The following ZBTB25 variants were observed in gnomAD, a reference collection of about 807,000 sequenced individuals.
ZBTB25 encodes the protein zinc finger and BTB domain containing 25, also known as zinc finger and BTB domain-containing protein 25.
In ZBTB25, 20 loss-of-function variants were observed where a neutral mutation model predicts 34.2. The observed-to-expected ratio is 0.58, with a 90% confidence interval of 0.41 to 0.85. The LOEUF is 0.85. Ranked by LOEUF, ZBTB25 falls within the 40% of genes least tolerant of loss-of-function variation. The pLI is 0.00. For missense variants in ZBTB25, 437 were observed against 521.8 expected (o/e 0.84, Z 1.58); for synonymous variants, 175 against 186.4 (o/e 0.94, Z 0.50).
upstream of ZBTB25, chr14:64,504,941 C>G (rs1004950676): frequency 2.5e-6 from 1 of 395,504 alleles, no homozygotes. Flanking sequence ...GTTCCTGTTG[C>G]GGCCGGTAAG....
chr14:64,473,307 G>A (rs955221760), downstream of ZBTB25: 2 of 167,040 alleles, frequency 1.2e-5, no homozygotes, highest in Non-Finnish European at 2.9e-5. Flanking sequence ...GGCATAAATG[G>A]AGTTGTTCAG....
At chr14:64,472,679 C>T (rs2078686324) in intron 2 of ZBTB25, 1 of 166,890 alleles carries the variant, frequency 6.0e-6, no homozygotes. Flanking sequence ...ATTATATGTG[C>T]TACATGGCCA....
chr14:64,464,399 A>G (rs1012696508), intron 2 of ZBTB25, among the ~76,000 whole-genome samples: 11 of 152,146 alleles, frequency 7.2e-5, no homozygotes, highest in Middle Eastern at 3.2e-3. Context: ...TGCCTCTTTT[A>G]TCTGTAATTT....
intron 2 of ZBTB25, chr14:64,467,639 C>T (rs1404534110): frequency 1.3e-5 from 2 of 151,714 alleles, no homozygotes; most frequent in Admixed American, 6.6e-5. Context: ...TGGCTATGAC[C>T]TTATCTAGTT....
downstream of ZBTB25, among the ~76,000 whole-genome samples, chr14:64,475,786 A>C (rs953339233): frequency 6.6e-6 from 1 of 152,168 alleles, no homozygotes; most frequent in Non-Finnish European, 1.5e-5. Flanking sequence ...CGCGTCTGGG[A>C]AACTCCCAGC....
At chr14:64,474,999 G>A (rs189302129), downstream of ZBTB25, among the ~76,000 whole-genome samples, 106 of 152,232 alleles carry the variant, frequency 7.0e-4, no homozygotes, top group African/African-American at 2.4e-3. Flanking sequence ...GCTCTAGGAA[G>A]GACTGTACTT....
At chr14:64,461,155 A>G (rs2078550006) in intron 2 of ZBTB25, 2 of 151,732 alleles carry the variant, frequency 1.3e-5, no homozygotes, top group East Asian at 1.9e-4. Context: ...AGGATGCTGC[A>G]TCCCACTGGC....
At chr14:64,456,037 C>G (rs937053449) in intron 2 of ZBTB25, among the ~76,000 whole-genome samples, 4 of 152,212 alleles carry the variant, frequency 2.6e-5, no homozygotes, top group African/African-American at 7.2e-5. Flanking sequence ...ATGTGTTGTT[C>G]TTTTTGGAGA....
At position 64,478,194 on chromosome 14, in the gene ZBTB25, A is replaced by T. The variant is rs2078737305; in HGVS notation, c.*8729T>A. The T allele has an allele frequency of 6.6e-6, 1 of 152,228 alleles. No homozygotes were observed. The highest frequency in any genetic ancestry group is 6.5e-5 in the Admixed American group (1 of 15,288). 9.4% of individuals were successfully genotyped at this position (152,228 alleles called of 1,614,324 possible). Reference sequence around the variant, plus strand: ...GGCTTATCAGCTGTAAAATAAACTTAGGAGAAGCAACTGGTGATTAGGTAC... The same window carrying T: ...GGCTTATCAGCTGTAAAATAAACTTTGGAGAAGCAACTGGTGATTAGGTAC... On this transcript the variant is annotated 3_prime_UTR_variant, in exon 3 of 3. Transcript: ENST00000608382.
At chr14:64,469,677 G>T in intron 2 of ZBTB25, 1 of 1,558,862 alleles carries the variant, frequency 6.4e-7, no homozygotes, top group South Asian at 1.2e-5. Context: ...CTTCTACAGT[G>T]ACTTACTCTC....
At chr14:64,497,064 G>A (rs1160160566) in intron 1 of ZBTB25, among the ~76,000 whole-genome samples, 1 of 151,864 alleles carries the variant, frequency 6.6e-6, no homozygotes, top group Non-Finnish European at 1.5e-5. Context: ...ACCCCATCTA[G>A]AACTTTCAAC....
chr14:64,473,415 T>A (rs1452907250), downstream of ZBTB25: 1 of 167,042 alleles, frequency 6.0e-6, no homozygotes, highest in East Asian at 1.9e-4. Context: ...AGTCTTAGAA[T>A]CTCTTTTATT....
chr14:64,449,511 C>T, exon 3 of ZBTB25: 4 of 1,614,132 alleles, frequency 2.5e-6, no homozygotes, highest in South Asian at 1.1e-5. Context: ...CTTTTGATGC[C>T]GTGAAGTGCA....
At chr14:64,458,073 A>G (rs1261327449) in intron 2 of ZBTB25, 4 of 751,842 alleles carry the variant, frequency 5.3e-6, no homozygotes, top group African/African-American at 1.7e-5. Context: ...TATTTCCTGT[A>G]GAGATGGGGG....
intron 2 of ZBTB25, chr14:64,455,149 G>C: frequency 2.3e-6 from 1 of 435,680 alleles, no homozygotes; most frequent in Non-Finnish European, 4.3e-6. Context: ...GCTCTTCACT[G>C]AATCTAGGAT....
chr14:64,497,925 A>G (rs541589264), intron 1 of ZBTB25, among the ~76,000 whole-genome samples: 7 of 152,208 alleles, frequency 4.6e-5, no homozygotes, highest in Non-Finnish European at 8.8e-5. Flanking sequence ...TTCTCTGTCA[A>G]TGCTTACCAC....
chr14:64,463,982 A>G (rs1230460145), intron 2 of ZBTB25, among the ~76,000 whole-genome samples: 1 of 152,054 alleles, frequency 6.6e-6, no homozygotes, highest in Non-Finnish European at 1.5e-5. Context: ...ACCCATAGAG[A>G]GATACGCAGA....
chr14:64,453,505 G>C (rs1250624390), intron 2 of ZBTB25, among the ~76,000 whole-genome samples: 1 of 152,058 alleles, frequency 6.6e-6, no homozygotes, highest in East Asian at 1.9e-4. Flanking sequence ...TGGGAGGCAG[G>C]GGTTACAGTG....
Position 64,503,723 on chromosome 14 carries a change from G to C in ZBTB25, c.-70C>G, listed in dbSNP as rs1024886923. ...CAGGAGGGGCGGGCTCCCAAGCCGC[G>C]CACTGCAAGCAGTGGCGCCGGCTCA... On this transcript the variant is annotated 5_prime_UTR_variant, in exon 1 of 3. Coordinates refer to ENST00000608382, the MANE Select transcript of ZBTB25 (RefSeq NM_006977.5). 3 of 562,640 alleles carry C rather than the reference G, an allele frequency of 5.3e-6. No homozygotes were observed. Among genetic ancestry groups the C allele is most frequent in the South Asian group, 1.5e-4 (2 of 13,010 alleles). The allele number at this position is 562,640 out of a possible 1,614,324, so 34.9% of individuals were successfully genotyped here.
Sources: gnomAD v4.1 joint callset for allele counts (sites outside exome capture counted in the v4.1 genomes callset) on GRCh38, gnomAD v4.1.1 for gene constraint, MANE v1.5 for transcripts, NCBI Gene and HGNC (gene_info 2026-07-23, HGNC 2026-07-21) for gene names.